Variants in FOXO1 observed in about 807,000 individuals in gnomAD.
The protein encoded by FOXO1 is forkhead box O1, also known as forkhead box protein O1.
FOXO1 carries 6 observed loss-of-function variants against 44.1 expected under a neutral mutation model. That is an observed-to-expected ratio of 0.14 (90% CI 0.07 to 0.27). The LOEUF is 0.27. Among genes scored for constraint, FOXO1 ranks in the 10% least tolerant of loss-of-function variants. FOXO1 has a pLI of 1.00. For synonymous variants in FOXO1, 380 were observed against 362.7 expected (o/e 1.05, Z -0.54); for missense variants, 737 against 888.8 (o/e 0.83, Z 2.17).
At chr13:40,603,302 C>T (rs1051284843) in intron 1 of FOXO1, among the ~76,000 whole-genome samples, 37 of 139,898 alleles carry the variant, frequency 2.6e-4, no homozygotes, top group Admixed American at 6.7e-4. Context: ...AGGTGTTATC[C>T]AATCTCAATC....
At chr13:40,611,331 C>T (rs1454458958) in intron 1 of FOXO1, among the ~76,000 whole-genome samples, 1 of 152,108 alleles carries the variant, frequency 6.6e-6, no homozygotes, top group Non-Finnish European at 1.5e-5. Context: ...AACAAACAAA[C>T]AAATAAACAA....
intron 1 of FOXO1, among the ~76,000 whole-genome samples, chr13:40,566,868 A>G (rs1012571161): frequency 1.3e-5 from 2 of 152,200 alleles, no homozygotes; most frequent in African/African-American, 4.8e-5. Context: ...CTGAAGGCCC[A>G]ATAAAGATGA....
At chr13:40,652,462 T>A (rs1877717395) in intron 1 of FOXO1, among the ~76,000 whole-genome samples, 1 of 152,148 alleles carries the variant, frequency 6.6e-6, no homozygotes, top group South Asian at 2.1e-4. Context: ...GGTATCGAAC[T>A]CCTAACCTCA....
intron 1 of FOXO1, among the ~76,000 whole-genome samples, chr13:40,608,685 A>T (rs1293992329): frequency 6.6e-6 from 1 of 151,954 alleles, no homozygotes; most frequent in African/African-American, 2.4e-5. Context: ...TCTTTTTTTC[A>T]GATTCTCTTC....
chr13:40,605,241 T>TA (rs2137884072), intron 1 of FOXO1, among the ~76,000 whole-genome samples: 1 of 152,252 alleles, frequency 6.6e-6, no homozygotes, highest in South Asian at 2.1e-4. Flanking sequence ...AGTAAATAAA[T>TA]AGAAAAATAA....
At chr13:40,628,620 G>T (rs1876865154) in intron 1 of FOXO1, among the ~76,000 whole-genome samples, 1 of 152,266 alleles carries the variant, frequency 6.6e-6, no homozygotes, top group East Asian at 1.9e-4. Flanking sequence ...CCAAATCTCA[G>T]TTGCACCAAG....
chr13:40,609,474 G>A (rs1434000319), intron 1 of FOXO1, among the ~76,000 whole-genome samples: 1 of 152,100 alleles, frequency 6.6e-6, no homozygotes, highest in Non-Finnish European at 1.5e-5. Context: ...CAAAACCATA[G>A]AAAATACAGG....
intron 1 of FOXO1, among the ~76,000 whole-genome samples, chr13:40,583,639 C>T (rs1390166354): frequency 6.6e-6 from 1 of 152,224 alleles, no homozygotes; most frequent in Non-Finnish European, 1.5e-5. Flanking sequence ...TTTTCTTCTG[C>T]AGCTTCCTCA....
At chr13:40,592,445 G>A (rs1875417429) in intron 1 of FOXO1, among the ~76,000 whole-genome samples, 1 of 152,138 alleles carries the variant, frequency 6.6e-6, no homozygotes, top group South Asian at 2.1e-4. Flanking sequence ...CAAAGTTCCA[G>A]AACAAAGCTT....
chr13:40,598,947 C>G (rs1286251796), intron 1 of FOXO1, among the ~76,000 whole-genome samples: 2 of 152,190 alleles, frequency 1.3e-5, no homozygotes, highest in South Asian at 4.1e-4. Context: ...GGATGCTTCT[C>G]TGGTAACTAG....
At chr13:40,608,929 C>G (rs1405222310) in intron 1 of FOXO1, among the ~76,000 whole-genome samples, 1 of 152,100 alleles carries the variant, frequency 6.6e-6, no homozygotes, top group East Asian at 1.9e-4. Context: ...GAAGGGGGTA[C>G]GTGTATCTTC....
intron 1 of FOXO1, among the ~76,000 whole-genome samples, chr13:40,564,994 A>AGTCGGGGAACC (rs1566062532): frequency 6.6e-6 from 1 of 152,084 alleles, no homozygotes; most frequent in African/African-American, 2.4e-5. Flanking sequence ...GACATGGTGT[A>AGTCGGGGAACC]CTTGCTTGTT....
chr13:40,662,154 G>C (rs1240018399), intron 1 of FOXO1, among the ~76,000 whole-genome samples: 2 of 109,738 alleles, frequency 1.8e-5, no homozygotes, highest in East Asian at 3.1e-4. Context: ...CTGGGCAACA[G>C]AGTGAGACTC....
chr13:40,639,939 A>G (rs1238568991), intron 1 of FOXO1, among the ~76,000 whole-genome samples: 1 of 152,232 alleles, frequency 6.6e-6, no homozygotes, highest in Non-Finnish European at 1.5e-5. Flanking sequence ...CGACAATCTT[A>G]GCAAGTGCTA....
At chr13:40,608,227 T>C (rs746825856) in intron 1 of FOXO1, among the ~76,000 whole-genome samples, 5 of 152,248 alleles carry the variant, frequency 3.3e-5, no homozygotes, top group Non-Finnish European at 5.9e-5. Context: ...CTATGGCCTC[T>C]TGTCGGTAAA....
At chr13:40,660,950 AC>A (rs1268877829) in intron 1 of FOXO1, among the ~76,000 whole-genome samples, 1 of 41,322 alleles carries the variant, frequency 2.4e-5, no homozygotes, top group Admixed American at 2.5e-4. Context: ...GCTCAGAAAA[AC>A]AACAACAACA....
chr13:40,665,610 A>C lies in FOXO1; in HGVS notation c.603T>G (p.Gly201=). 6.9e-7 allele frequency: 1 copy of C among 1,441,730 alleles called. No individual in the cohort carries two copies. Among genetic ancestry groups the C allele is most frequent in the Non-Finnish European group, 9.2e-7 (1 of 1,081,138 alleles). 89.3% of individuals were successfully genotyped at this position (1,441,730 alleles called of 1,614,324 possible). The part of the protein sequence containing the change: ...VKSVPYFKDK[G]DSNSSAGWKN... ...TCCAGCCCGCCGAGCTGTTGCTGTC[A>C]CCCTTATCCTTGAAGTAGGGCACGC... The change falls in exon 1 of 3, where the codon GGT becomes GGG. Residue 201 remains glycine, a synonymous_variant. Coordinates refer to ENST00000379561, the MANE Select transcript of FOXO1 (RefSeq NM_002015.4).
chr13:40,561,924 G>A (rs1325164925), intron 1 of FOXO1, among the ~76,000 whole-genome samples: 3 of 119,196 alleles, frequency 2.5e-5, no homozygotes, highest in Non-Finnish European at 5.0e-5. Flanking sequence ...TGGGCAACAA[G>A]AGTTAAACAC....
chr13:40,562,339 T>C (rs542856204), intron 1 of FOXO1, among the ~76,000 whole-genome samples: 24 of 152,328 alleles, frequency 1.6e-4, no homozygotes, highest in African/African-American at 4.6e-4. Flanking sequence ...ATGTTTATCA[T>C]CCCTAGGCCA....
Sources: gnomAD v4.1 joint callset for allele counts (sites outside exome capture counted in the v4.1 genomes callset) on GRCh38, gnomAD v4.1.1 for gene constraint, MANE v1.5 for transcripts, NCBI Gene and HGNC (gene_info 2026-07-23, HGNC 2026-07-21) for gene names.